The following ECPAS variants were observed in gnomAD, a reference collection of about 807,000 sequenced individuals.
ECPAS encodes Ecm29 proteasome adaptor and scaffold.
In ECPAS, 70 loss-of-function variants were observed where a neutral mutation model predicts 255.1. The observed-to-expected ratio is 0.27, with a 90% CI of 0.23 to 0.33. ECPAS has a LOEUF of 0.33. Ranked by LOEUF, ECPAS falls within the 10% of genes least tolerant of loss-of-function variation. The pLI is 1.00. For synonymous variants in ECPAS, 784 were observed against 775.0 expected, an observed-to-expected ratio of 1.01 and a Z score of -0.19; for missense variants, 1,817 against 2,206.4, an observed-to-expected ratio of 0.82 and a Z score of 3.54.
At chr9:111,412,246 T>C in intron 20 of ECPAS, 98 bp from the exon 21 acceptor site, 2 of 1,039,624 alleles carry the variant, frequency 1.9e-6, no homozygotes, top group Non-Finnish European at 2.6e-6. Context: ...AATCTGTTGA[T>C]GGATATTGAG....
At chr9:111,374,082 T>C (rs2098130596) in intron 38 of ECPAS, 44 bp from the exon 39 acceptor site, 2 of 1,467,482 alleles carry the variant, frequency 1.4e-6, no homozygotes, top group Admixed American at 1.7e-5. Flanking sequence ...ATGGTCACAA[T>C]GTTCTACCTA....
chr9:111,403,837 C>A (rs184791323), intron 24 of ECPAS, among the ~76,000 whole-genome samples: 9 of 149,886 alleles, frequency 6.0e-5, no homozygotes, highest in Admixed American at 4.6e-4. Flanking sequence ...GAACATTTTC[C>A]AGGATAGACC....
chr9:111,414,893 G>A (rs1327255548), intron 18 of ECPAS, among the ~76,000 whole-genome samples: 2 of 152,162 alleles, frequency 1.3e-5, no homozygotes, highest in Non-Finnish European at 2.9e-5. Context: ...GTCAGAAATT[G>A]GAGCTGGAGG....
At chr9:111,429,788 A>T (rs1331753125) in intron 9 of ECPAS, among the ~76,000 whole-genome samples, 1 of 152,214 alleles carries the variant, frequency 6.6e-6, no homozygotes, top group East Asian at 1.9e-4. Context: ...AGCACAGCTT[A>T]AGCCCAGAAG....
At chr9:111,382,206 G>T (rs949270757) in intron 35 of ECPAS, among the ~76,000 whole-genome samples, 3 of 151,624 alleles carry the variant, frequency 2.0e-5, no homozygotes, top group Non-Finnish European at 4.4e-5. Flanking sequence ...TGGATTTAGG[G>T]GCATCTAATG....
chr9:111,457,990 T>C (rs1409693816), intron 2 of ECPAS, among the ~76,000 whole-genome samples: 1 of 152,164 alleles, frequency 6.6e-6, no homozygotes, highest in South Asian at 2.1e-4. Flanking sequence ...AAAAGAAGTA[T>C]CTAGATTTTG....
intron 24 of ECPAS, among the ~76,000 whole-genome samples, chr9:111,400,999 G>A (rs2098175115): frequency 6.6e-6 from 1 of 152,124 alleles, no homozygotes; most frequent in South Asian, 2.1e-4. Context: ...GATGAAGAGA[G>A]GATCCTCAAA....
rs947609793 is a variant in ECPAS, at chr9:111,404,759, C to T, written c.2652+3812G>A. Among the ~76,000 whole-genome samples, 11 of 130,394 alleles carry T rather than the reference C, an allele frequency of 8.4e-5. 2 individuals carry two copies. The highest frequency in any genetic ancestry group is 2.5e-4 in the African/African-American group (8 of 32,090). 85.5% of individuals were successfully genotyped at this position (130,394 alleles called of 152,430 possible). On this transcript the variant is annotated intron_variant, in intron 24 of 49. Transcript: ENST00000684092. ...GTGCGAGAACAGACTAATATGCCAA[C>T]GGCAAACAATCTGAAAAAGAAGTCA...
intron 2 of ECPAS, among the ~76,000 whole-genome samples, chr9:111,470,400 T>C (rs923878465): frequency 1.3e-5 from 2 of 151,400 alleles, no homozygotes; most frequent in African/African-American, 4.9e-5. Context: ...AACCTCCCCG[T>C]CCCGGGTTCA....
chr9:111,364,572 A>C (rs1447017999), intron 48 of ECPAS, among the ~76,000 whole-genome samples: 1 of 152,206 alleles, frequency 6.6e-6, no homozygotes, highest in Non-Finnish European at 1.5e-5. Context: ...CTTAGTAAAA[A>C]TTGGTTCAGG....
In ECPAS at chr9:111,472,902, C is replaced by T. The variant is rs1278088283; in HGVS notation, c.17G>A (p.Cys6Tyr). MYHID[C>Y]RDQLERVFLR... ...AAGGAACTAAATCTACTAACCTCTA[C>T]AATCAATGTGATACATGGTTTATCC... The change falls in exon 2 of 50, where the codon TGT becomes TAT. Residue 6 changes from cysteine to tyrosine, a missense_variant. Transcript: ENST00000684092. 1.6e-6 allele frequency: 2 copies of T among 1,224,176 alleles called. No individual in the cohort carries two copies. Among genetic ancestry groups the T allele is most frequent in the East Asian group, 6.3e-5 (1 of 15,848 alleles). 75.8% of individuals were successfully genotyped at this position (1,224,176 alleles called of 1,614,324 possible). A position where few individuals can be genotyped will look rare whatever the true frequency, so the allele number is the denominator to read the frequency against.
chr9:111,481,013 T>G (rs1346832049), intron 1 of ECPAS, among the ~76,000 whole-genome samples: 1 of 152,172 alleles, frequency 6.6e-6, no homozygotes, highest in Non-Finnish European at 1.5e-5. Context: ...ATTCAGACTT[T>G]AATGTGTTTG....
At chr9:111,385,775 A>G (rs1295992013) in intron 32 of ECPAS, among the ~76,000 whole-genome samples, 1 of 152,244 alleles carries the variant, frequency 6.6e-6, no homozygotes, top group African/African-American at 2.4e-5. Context: ...ATGCTATACT[A>G]TAAAGTCATG....
chr9:111,411,286 G>C, intron 21 of ECPAS, 144 bp from the exon 22 acceptor site: 1 of 802,752 alleles, frequency 1.2e-6, no homozygotes. Flanking sequence ...GGTTTCACTG[G>C]ATGCTAATGC....
Position 111,378,642 on chromosome 9 carries a change from A to C in ECPAS, c.3892T>G (p.Leu1298Val). 1 of 1,613,884 alleles carries C rather than the reference A, an allele frequency of 6.2e-7. No homozygotes were observed. The highest frequency in any genetic ancestry group is 8.5e-7 in the Non-Finnish European group (1 of 1,179,768). Reference sequence around the variant, plus strand: ...AGAACTTGGGGCTCCAATACACTTAAGGACTCTAGCAGAGCTGGAATGAGT... The same window carrying C: ...AGAACTTGGGGCTCCAATACACTTACGGACTCTAGCAGAGCTGGAATGAGT... ...PKLIPALLESLSVLEPQVLNY... is the reference protein window; with the variant it reads ...PKLIPALLESVSVLEPQVLNY... The change falls in exon 36 of 50, where the codon TTA (leucine) becomes GTA (valine). Residue 1298 changes from leucine (L) to valine (V), a missense_variant. By Grantham distance (32) the Leu-to-Val change is conservative. Coordinates refer to ENST00000684092, the MANE Select transcript of ECPAS (RefSeq NM_001364929.1).
chr9:111,483,561 A>G, intron 1 of ECPAS: 1 of 568,454 alleles, frequency 1.8e-6, no homozygotes, highest in Non-Finnish European at 2.2e-6. Context: ...CGGGGAGGGA[A>G]CGAGGGAGGG....
At chr9:111,462,292 T>C (rs767437233) in intron 2 of ECPAS, among the ~76,000 whole-genome samples, 3 of 152,168 alleles carry the variant, frequency 2.0e-5, no homozygotes, top group Non-Finnish European at 1.5e-5. Context: ...GAAATAACCG[T>C]CACTGAAAGA....
intron 31 of ECPAS, among the ~76,000 whole-genome samples, chr9:111,388,780 T>C (rs941651518): frequency 6.6e-6 from 1 of 152,106 alleles, no homozygotes; most frequent in African/African-American, 2.4e-5. Context: ...CTAGATTCAA[T>C]TGGGGGTGGT....
intron 1 of ECPAS, among the ~76,000 whole-genome samples, chr9:111,476,169 G>A (rs909859339): frequency 2.0e-5 from 3 of 152,182 alleles, no homozygotes; most frequent in Non-Finnish European, 4.4e-5. Context: ...GCTCCTTCAT[G>A]AGTTGCCTTT....
Sources: gnomAD v4.1 joint callset for allele counts (sites outside exome capture counted in the v4.1 genomes callset) on GRCh38, gnomAD v4.1.1 for gene constraint, MANE v1.5 for transcripts, NCBI Gene and HGNC (gene_info 2026-07-23, HGNC 2026-07-21) for gene names.